CSMD1: variants seen among roughly 807,000 people sequenced by gnomAD.
CSMD1 encodes CUB and sushi domain-containing protein 1.
Under a neutral mutation model 417.5 loss-of-function variants are expected in CSMD1, and 213 were observed. That is an observed-to-expected ratio of 0.51 (90% CI 0.46 to 0.57). CSMD1 has a LOEUF of 0.57. Among genes scored for constraint, CSMD1 ranks in the 20% least tolerant of loss-of-function variants. The pLI is 0.00. For missense variants in CSMD1, 6,923 were observed against 4,529.7 expected, an observed-to-expected ratio of 1.53 and a Z score of -15.17; for synonymous variants, 2,862 against 1,736.8, an observed-to-expected ratio of 1.65 and a Z score of -16.11.
intron 3 of CSMD1, among the ~76,000 whole-genome samples, chr8:4,141,861 T>A (rs1287001192): frequency 2.0e-5 from 3 of 151,086 alleles, no homozygotes; most frequent in East Asian, 3.9e-4. Flanking sequence ...ACCATTTAGA[T>A]ATTGAGAGTA....
intron 1 of CSMD1, among the ~76,000 whole-genome samples, chr8:4,853,259 G>A (rs182258213): frequency 6.6e-6 from 1 of 152,256 alleles, no homozygotes; most frequent in East Asian, 1.9e-4. Flanking sequence ...CCCTTCCCAT[G>A]ACAGGCCCAG....
intron 1 of CSMD1, among the ~76,000 whole-genome samples, chr8:4,874,794 G>T (rs865888975): frequency 4.7e-5 from 7 of 150,184 alleles, no homozygotes; most frequent in South Asian, 4.2e-4. Context: ...TAGACTTTTT[G>T]TGTGTGTATA....
intron 1 of CSMD1, among the ~76,000 whole-genome samples, chr8:4,686,601 G>T (rs1205932447): frequency 6.6e-6 from 1 of 152,204 alleles, no homozygotes; most frequent in Admixed American, 6.5e-5. Flanking sequence ...CCAGTCTCAC[G>T]TCCCGACGTC....
intron 3 of CSMD1, among the ~76,000 whole-genome samples, chr8:4,180,510 T>C (rs1477219872): frequency 6.6e-6 from 1 of 151,584 alleles, no homozygotes; most frequent in Non-Finnish European, 1.5e-5. Context: ...CACACCAGCA[T>C]GGCACATGTA....
chr8:2,980,743 G>C (rs1193871212), intron 54 of CSMD1, among the ~76,000 whole-genome samples: 1 of 152,208 alleles, frequency 6.6e-6, no homozygotes, highest in Non-Finnish European at 1.5e-5. Flanking sequence ...GTGGAAAGAG[G>C]TGCGCAGGAG....
At chr8:4,952,146 T>A (rs1244873199) in intron 1 of CSMD1, among the ~76,000 whole-genome samples, 3 of 151,938 alleles carry the variant, frequency 2.0e-5, no homozygotes, top group Non-Finnish European at 4.4e-5. Context: ...CACAAAATAA[T>A]GTCTTAAAAT....
At chr8:3,589,824 T>C (rs1432293722) in intron 8 of CSMD1, among the ~76,000 whole-genome samples, 1 of 152,162 alleles carries the variant, frequency 6.6e-6, no homozygotes, top group African/African-American at 2.4e-5. Context: ...CATTTCACAA[T>C]GTATTCATAT....
chr8:4,293,691 C>A (rs944008740), intron 3 of CSMD1, among the ~76,000 whole-genome samples: 1 of 152,134 alleles, frequency 6.6e-6, no homozygotes, highest in African/African-American at 2.4e-5. Context: ...TATCTCATTA[C>A]TTAGAATTGC....
At chr8:3,014,131 T>C (rs1279685355) in intron 52 of CSMD1, among the ~76,000 whole-genome samples, 1 of 152,262 alleles carries the variant, frequency 6.6e-6, no homozygotes, top group East Asian at 1.9e-4. Context: ...AGATCCTGAA[T>C]CCATCATCCA....
intron 10 of CSMD1, among the ~76,000 whole-genome samples, chr8:3,498,496 A>T (rs1175961899): frequency 1.3e-5 from 2 of 152,126 alleles, no homozygotes; most frequent in African/African-American, 4.8e-5. Context: ...TTGGCATTAG[A>T]TCTGTTTGGT....
chr8:4,326,672 G>A (rs566374330), intron 3 of CSMD1, among the ~76,000 whole-genome samples: 3 of 152,258 alleles, frequency 2.0e-5, no homozygotes, highest in African/African-American at 7.2e-5. Context: ...AAGACCAAAG[G>A]AAAAGGTCTG....
intron 3 of CSMD1, among the ~76,000 whole-genome samples, chr8:4,144,024 G>A (rs1203867317): frequency 1.3e-5 from 2 of 151,302 alleles, no homozygotes; most frequent in Admixed American, 6.6e-5. Context: ...GGGCTATAGA[G>A]AAAGCAGCCT....
intron 3 of CSMD1, among the ~76,000 whole-genome samples, chr8:4,089,710 G>C (rs1800615241): frequency 1.3e-5 from 2 of 152,128 alleles, no homozygotes. Flanking sequence ...CAGAAAGCTA[G>C]CTCAAGATTA....
intron 6 of CSMD1, among the ~76,000 whole-genome samples, chr8:3,732,534 T>A (rs1796324421): frequency 6.6e-6 from 1 of 152,152 alleles, no homozygotes; most frequent in South Asian, 2.1e-4. Context: ...AGACTCTGTA[T>A]AATTTCTTAG....
At chr8:3,187,261 G>C (rs935822298) in intron 36 of CSMD1, among the ~76,000 whole-genome samples, 1 of 152,196 alleles carries the variant, frequency 6.6e-6, no homozygotes, top group African/African-American at 2.4e-5. Context: ...GCATCTGGAG[G>C]CAGGATATCC....
chr8:3,839,434 A>ATTATATATTATAATATAAT (rs1447480323), intron 5 of CSMD1, among the ~76,000 whole-genome samples: 126 of 102,888 alleles, frequency 1.2e-3, no homozygotes, highest in African/African-American at 4.4e-3. Context: ...ATAATAAATT[A>ATTATATATTATAATATAAT]ATATTATATA....
intron 5 of CSMD1, among the ~76,000 whole-genome samples, chr8:3,868,757 C>A (rs191230838): frequency 6.6e-6 from 1 of 152,340 alleles, no homozygotes; most frequent in Non-Finnish European, 1.5e-5. Flanking sequence ...ACATCCAACA[C>A]ATCAGCAATT....
intron 3 of CSMD1, among the ~76,000 whole-genome samples, chr8:4,100,894 A>T (rs1350515587): frequency 1.3e-5 from 2 of 152,216 alleles, no homozygotes; most frequent in Non-Finnish European, 2.9e-5. Context: ...TTATACAAGA[A>T]ATAAAGAACA....
At chr8:4,373,779 T>A (rs1057473879) in intron 3 of CSMD1, among the ~76,000 whole-genome samples, 17 of 152,230 alleles carry the variant, frequency 1.1e-4, no homozygotes, top group Non-Finnish European at 2.1e-4. Context: ...GGGGCACTTT[T>A]TCTCTTTGAT....
Sources: gnomAD v4.1 joint callset for allele counts (sites outside exome capture counted in the v4.1 genomes callset) on GRCh38, gnomAD v4.1.1 for gene constraint, MANE v1.5 for transcripts, NCBI Gene and HGNC (gene_info 2026-07-23, HGNC 2026-07-21) for gene names.